The following MRPL43 variants were observed in gnomAD, a reference collection of about 807,000 sequenced individuals.
MRPL43 encodes large ribosomal subunit protein mL43.
A neutral mutation model predicts 12.7 loss-of-function variants in MRPL43; 9 were observed. The ratio of observed to expected loss-of-function variants is 0.71; its 90% CI spans 0.43 to 1.24. The LOEUF (loss-of-function observed/expected upper bound fraction) is 1.24. Ranked by LOEUF, MRPL43 falls within the 50% of genes most tolerant of loss-of-function variation. MRPL43 has a pLI of 0.00. For missense variants in MRPL43, 211 were observed against 229.2 expected, an observed-to-expected ratio of 0.92 and a Z score of 0.51; for synonymous variants, 116 against 96.4, an observed-to-expected ratio of 1.20 and a Z score of -1.19.
Position 100,986,437 on chromosome 10 carries a change from A to G in MRPL43, c.*297T>C. The G allele has an allele frequency of 1.3e-6, 2 of 1,517,476 alleles. No homozygotes were observed. Among genetic ancestry groups the G allele is most frequent in the Admixed American group, 4.5e-5 (2 of 44,110 alleles). 94.0% of individuals were successfully genotyped at this position (1,517,476 alleles called of 1,614,324 possible). On this transcript the variant is annotated 3_prime_UTR_variant, in exon 3 of 3. Transcript: ENST00000318364. ...CCTTCAGACCTCTCACTGTGTTTTGAGATCATTATTATCAATTTGGATTTA... is the reference window on the plus strand; with the variant it reads ...CCTTCAGACCTCTCACTGTGTTTTGGGATCATTATTATCAATTTGGATTTA...
rs1199118516 is a variant in MRPL43 at position 100,987,332 on chromosome 10, C to A, written c.112G>T (p.Ala38Ser). The part of the protein sequence containing the change: ...RLSFSVSRDG[A>S]SSRGAREFVE... ...GCTCACCTGGCGCCGCGAGACGAGGCGCCGTCGCGGCTGACGCTGAAGCTC... is the reference window on the plus strand; with the variant it reads ...GCTCACCTGGCGCCGCGAGACGAGGAGCCGTCGCGGCTGACGCTGAAGCTC... Residue 38 changes from alanine to serine, a missense_variant, in exon 1 of 3, where the codon GCC becomes TCC. Physicochemically the swap from Ala to Ser is moderately conservative, Grantham distance 99. Transcript: ENST00000318364. 11 of 1,612,300 alleles carry A rather than the reference C, an allele frequency of 6.8e-6. No individual in the cohort carries two copies. The East Asian group carries it at 2.5e-4, about 36-fold the overall frequency.
downstream of MRPL43, chr10:100,984,035 A>T: frequency 6.2e-7 from 1 of 1,613,650 alleles, no homozygotes. Flanking sequence ...ATGGAGTACC[A>T]GCAGGGCCCT....
rs1385027685 is a variant in MRPL43 at position 100,987,461 on chromosome 10, C to T, written c.-18G>A. On this transcript the variant is annotated 5_prime_UTR_variant, in exon 1 of 3. Transcript: ENST00000318364. The stretch of plus-strand genomic sequence containing the variant: ...GCCGTCATAGCTACAGCTTGGAGGC[C>T]GCGGAGCCTAAGCAGCGAGGAGAGG... 1 of 1,610,622 alleles carries T rather than the reference C, an allele frequency of 6.2e-7. No individual in the cohort carries two copies. Among genetic ancestry groups the T allele is most frequent in the African/African-American group, 1.3e-5 (1 of 74,896 alleles).
At chr10:100,982,167 G>A (rs577171731), downstream of MRPL43, among the ~76,000 whole-genome samples, 1 of 151,828 alleles carries the variant, frequency 6.6e-6, no homozygotes, top group East Asian at 1.9e-4. Flanking sequence ...CCACAAGTTA[G>A]CCAGGCAAGC....
downstream of MRPL43, chr10:100,978,980 A>T (rs1850926055): frequency 6.2e-7 from 1 of 1,614,078 alleles, no homozygotes; most frequent in Non-Finnish European, 8.5e-7. Context: ...TCAGAGCCGC[A>T]GCAGTCACCG....
downstream of MRPL43, among the ~76,000 whole-genome samples, chr10:100,982,911 A>G (rs939383980): frequency 6.6e-6 from 1 of 152,220 alleles, no homozygotes; most frequent in African/African-American, 2.4e-5. Context: ...CAAGGAAAGG[A>G]CTTGGTGTCG....
downstream of MRPL43, chr10:100,983,475 G>A: frequency 6.2e-7 from 1 of 1,614,206 alleles, no homozygotes; most frequent in Non-Finnish European, 8.5e-7. Context: ...GCTGGTTACA[G>A]ATGCACAGCC....
Position 100,986,637 on chromosome 10 carries a change from G to A in MRPL43, c.*97C>T, listed in dbSNP as rs570058250. 6.2e-6 allele frequency: 10 copies of A among 1,613,770 alleles called. No individual in the cohort carries two copies. In the East Asian group the frequency reaches 2.2e-4, roughly 36 times the overall value. Reference sequence around the variant, plus strand: ...ACCTCTGTCAACTTGCCCATTGATGGGTTCCATTTGCCTGGGCTTGGAATC... The same window carrying A: ...ACCTCTGTCAACTTGCCCATTGATGAGTTCCATTTGCCTGGGCTTGGAATC... On this transcript the variant is annotated 3_prime_UTR_variant, in exon 3 of 3. Coordinates refer to ENST00000318364, the MANE Select transcript of MRPL43 (RefSeq NM_032112.3).
rs2133924027 is a variant in MRPL43 at position 100,986,687 on chromosome 10, C to T, written c.*47G>A. Reference sequence around the variant, plus strand: ...CCCAAAGGGGAAGAACCACCTTTACCGGAGTAACAGTCCAAAGCCTGGGGC... The same window carrying T: ...CCCAAAGGGGAAGAACCACCTTTACTGGAGTAACAGTCCAAAGCCTGGGGC... On this transcript the variant is annotated 3_prime_UTR_variant, in exon 3 of 3. Transcript: ENST00000318364. 2 of 1,613,764 alleles carry T rather than the reference C, an allele frequency of 1.2e-6. No individual in the cohort carries two copies. Among genetic ancestry groups the T allele is most frequent in the South Asian group, 1.1e-5 (1 of 91,070 alleles).
At chr10:100,983,445 C>A (rs149389232), downstream of MRPL43, 5 of 1,614,014 alleles carry the variant, frequency 3.1e-6, no homozygotes, top group Non-Finnish European at 3.4e-6. Flanking sequence ...GGGTGGCTAC[C>A]GTGTGGGCGT....
chr10:100,981,213 G>C, downstream of MRPL43: 1 of 1,614,228 alleles, frequency 6.2e-7, no homozygotes. Flanking sequence ...GAGGCTGTGA[G>C]AGCAGCAGGG....
chr10:100,978,989 C>T (rs770726629), downstream of MRPL43: 8 of 1,614,002 alleles, frequency 5.0e-6, no homozygotes, highest in African/African-American at 1.3e-5. Flanking sequence ...CAGCAGTCAC[C>T]GTGTGGCCCG....
At chr10:100,980,666 G>A (rs752147128), downstream of MRPL43, 31 of 1,614,076 alleles carry the variant, frequency 1.9e-5, no homozygotes, top group South Asian at 2.7e-4. Flanking sequence ...CCCAGTCTGT[G>A]GAAAATCTAG....
chr10:100,978,825 C>G (rs1850918941), downstream of MRPL43: 7 of 1,609,562 alleles, frequency 4.3e-6, no homozygotes, highest in South Asian at 5.5e-5. Flanking sequence ...GTCTCAAAAG[C>G]CTCTCAAACT....
downstream of MRPL43, chr10:100,979,046 G>A (rs1850929934): frequency 6.2e-7 from 1 of 1,613,398 alleles, no homozygotes; most frequent in East Asian, 2.2e-5. Context: ...TGGGGCACGG[G>A]TATAGAGGCT....
At chr10:100,987,061 C>T in intron 2 of MRPL43, 29 bp downstream of exon 2, 6 of 1,611,274 alleles carry the variant, frequency 3.7e-6, no homozygotes, top group Non-Finnish European at 5.1e-6. Flanking sequence ...CCTGATCCCG[C>T]CCTCCAGCCC....
At chr10:100,981,153 G>C (rs759364930), downstream of MRPL43, 43 of 1,614,012 alleles carry the variant, frequency 2.7e-5, no homozygotes, top group Non-Finnish European at 3.6e-5. Flanking sequence ...CATAAAACCT[G>C]ATCTTCTGTC....
downstream of MRPL43, chr10:100,985,145 A>G: frequency 2.3e-6 from 1 of 428,232 alleles, no homozygotes; most frequent in Non-Finnish European, 4.1e-6. Context: ...GGGGGAATCA[A>G]GCATTTGCTT....
At chr10:100,987,229 CCT>C (rs1482155180) in intron 1 of MRPL43, 33 bp from the exon 2 acceptor site, 49 of 1,613,352 alleles carry the variant, frequency 3.0e-5, no homozygotes, top group Non-Finnish European at 4.2e-5. Context: ...CAGTATGACC[CCT>C]GACTGGGGGC....
Sources: allele counts gnomAD v4.1 joint callset (sites outside exome capture counted in the v4.1 genomes callset), GRCh38; gene constraint gnomAD v4.1.1; transcripts MANE v1.5; gene names NCBI Gene and HGNC (gene_info 2026-07-23, HGNC 2026-07-21).